The following ABCC1 variants were observed in gnomAD, a reference collection of about 807,000 sequenced individuals.
ABCC1 encodes the protein multidrug resistance-associated protein 1.
In ABCC1, 83 loss-of-function variants were observed where a neutral mutation model predicts 172.9. The observed-to-expected ratio is 0.48, with a 90% confidence interval of 0.40 to 0.58. The LOEUF is 0.58. ABCC1 is among the 20% of genes least tolerant of loss of function. The pLI, the probability that ABCC1 is intolerant of heterozygous loss-of-function variation, is 0.00. For missense variants in ABCC1, 1,817 were observed against 2,002.7 expected (o/e 0.91, Z 1.77); for synonymous variants, 937 against 825.2 (o/e 1.14, Z -2.32).
chr16:16,031,866 A>T (rs1429956125), intron 5 of ABCC1, among the ~76,000 whole-genome samples: 1 of 151,620 alleles, frequency 6.6e-6, no homozygotes, highest in African/African-American at 2.4e-5. Flanking sequence ...TCATGTGATC[A>T]TTTGATGCAT....
rs370307188 is a variant in ABCC1, at chr16:16,115,933, C to T, written c.3390+857C>T. Among the ~76,000 whole-genome samples the T allele has an allele frequency of 4.1e-4, 62 of 151,454 alleles. No individual in the cohort carries two copies. In the South Asian group the frequency reaches 4.8e-3, roughly 12 times the overall value. On this transcript the variant is annotated intron_variant, in intron 23 of 30. Coordinates refer to ENST00000399410, the MANE Select transcript of ABCC1 (RefSeq NM_004996.4). ...TTTTTTTTAATTTGACATGGAGTCT[C>T]GCTCTGTCGCCCAGGCTGGAGTGCA...
rs558858592 is a variant in ABCC1, at chr16:15,968,501, C to T, written c.48+18702C>T. Reference sequence around the variant, plus strand: ...TCTGCTCACTGCAGCCTTCACCTGCCGAGTAGCTAGGACTGCAGGCATGCA... The same window carrying T: ...TCTGCTCACTGCAGCCTTCACCTGCTGAGTAGCTAGGACTGCAGGCATGCA... On this transcript the variant is annotated intron_variant, in intron 1 of 30. Transcript: ENST00000399410. 5.9e-5 allele frequency among the ~76,000 whole-genome samples: 9 copies of T among 151,866 alleles called. No individual in the cohort carries two copies. The South Asian group carries it at 1.2e-3, about 21-fold the overall frequency.
intron 1 of ABCC1, among the ~76,000 whole-genome samples, chr16:15,980,624 T>C (rs215053): frequency 0.86 from 130,494 of 152,116 alleles, 56,251 homozygotes; most frequent in African/African-American, 0.92. Flanking sequence ...TGTCTCTCAC[T>C]GGGTTCCTCC....
chr16:16,021,790 G>T (rs1284801788), intron 5 of ABCC1, among the ~76,000 whole-genome samples: 2 of 152,134 alleles, frequency 1.3e-5, no homozygotes, highest in African/African-American at 4.8e-5. Flanking sequence ...ATTGAGATGG[G>T]GGCAAGGAAG....
intron 20 of ABCC1, among the ~76,000 whole-genome samples, chr16:16,103,993 T>C (rs926551520): frequency 6.6e-6 from 1 of 151,912 alleles, no homozygotes; most frequent in Non-Finnish European, 1.5e-5. Flanking sequence ...GCCTCAGGAG[T>C]GAAGCTGCAG....
chr16:15,990,637 G>C (rs1428326762), intron 1 of ABCC1, among the ~76,000 whole-genome samples: 1 of 151,766 alleles, frequency 6.6e-6, no homozygotes, highest in African/African-American at 2.4e-5. Context: ...CCATGTTGTT[G>C]CAAATGGCAG....
At position 16,131,809 on chromosome 16, in the gene ABCC1, G is replaced by T. The variant is rs1396852143; in HGVS notation, c.3840G>T (p.Glu1280Asp). Residue 1280 changes from glutamate (E) to aspartate (D), a missense_variant, in exon 27 of 31, where the codon GAG (glutamate) becomes GAT (aspartate). This residue lies in a region of ABCC1 where 1,412 missense variants were observed against 1,600.3 expected (regional missense o/e 0.88). Coordinates refer to ENST00000399410, the MANE Select transcript of ABCC1 (RefSeq NM_004996.4). ...TEKEAPWQIQ[E>D]TAPPSSWPQV... ...CGAAGGCGCCCTGGCAAATCCAGGAGACAGCTCCGCCCAGCAGCTGGCCCC... is the reference window on the plus strand; with the variant it reads ...CGAAGGCGCCCTGGCAAATCCAGGATACAGCTCCGCCCAGCAGCTGGCCCC... The T allele has an allele frequency of 1.2e-6, 2 of 1,613,984 alleles. No homozygotes were observed. The highest frequency in any genetic ancestry group is 1.7e-6 in the Non-Finnish European group (2 of 1,179,966).
At position 16,115,066 on chromosome 16, in the gene ABCC1, T is replaced by A; in HGVS notation, c.3380T>A (p.Phe1127Tyr). ...IIIPPLGLIY[F>Y]FVQRFYVASS... The stretch of plus-strand genomic sequence containing the variant: ...ATCCCGCCCCTTGGCCTCATCTACT[T>A]CTTCGTCCAGGTAAGGGGTGAGGTC... Residue 1127 changes from phenylalanine to tyrosine, a missense_variant, in exon 23 of 31, where the codon TTC becomes TAC. Phe to Tyr is a conservative substitution (Grantham distance 22, BLOSUM62 3). This residue lies in a region of ABCC1 where 1,412 missense variants were observed against 1,600.3 expected (regional missense o/e 0.88). Transcript: ENST00000399410. 1 of 1,613,692 alleles carries A rather than the reference T, an allele frequency of 6.2e-7. No homozygotes were observed. The highest frequency in any genetic ancestry group is 2.2e-5 in the East Asian group (1 of 44,862).
Position 16,122,188 on chromosome 16 carries a change from G to A in ABCC1, c.3590+14G>A, listed in dbSNP as rs752382708. On this transcript the variant is annotated intron_variant, in intron 24 of 30. Transcript: ENST00000399410. ...CGTGGCCAACAGGTGGGCATGGTGGGCCTGCAGGAGCGGGTGGAGGAGGCC... is the reference window on the plus strand; with the variant it reads ...CGTGGCCAACAGGTGGGCATGGTGGACCTGCAGGAGCGGGTGGAGGAGGCC... 2.0e-5 allele frequency: 32 copies of A among 1,613,602 alleles called. No individual in the cohort carries two copies. The African/African-American group carries it at 3.9e-4, about 20-fold the overall frequency.
At chr16:16,091,975 C>A (rs929192438) in intron 19 of ABCC1, among the ~76,000 whole-genome samples, 1 of 152,196 alleles carries the variant, frequency 6.6e-6, no homozygotes, top group African/African-American at 2.4e-5. Context: ...CAGTGGCTCA[C>A]GCCTGTAATC....
intron 3 of ABCC1, among the ~76,000 whole-genome samples, chr16:16,012,108 A>G (rs7198766): frequency 0.4 from 60,827 of 152,060 alleles, 13,957 homozygotes; most frequent in Non-Finnish European, 0.52. Context: ...TGCCCAGACC[A>G]TGATTCTATA....
chr16:16,042,702 C>CAA lies in ABCC1; in HGVS notation c.810-1732_810-1731dup, dbSNP rs60790951. Among the ~76,000 whole-genome samples the CAA allele has an allele frequency of 1.7e-4, 21 of 124,064 alleles. No homozygotes were observed. The Middle Eastern group carries it at 0.021, about 125-fold the overall frequency. 81.4% of individuals were successfully genotyped at this position (124,064 alleles called of 152,430 possible). On this transcript the variant is annotated intron_variant, in intron 7 of 30. Coordinates refer to ENST00000399410, the MANE Select transcript of ABCC1 (RefSeq NM_004996.4). ...TGTGTGATAGAGCAAGACTCCATCT[C>CAA]AAAAAAAAAAAAAAAAATCCCTATA...
intron 1 of ABCC1, among the ~76,000 whole-genome samples, chr16:15,980,921 T>C (rs1597070850): frequency 6.6e-6 from 1 of 152,236 alleles, no homozygotes; most frequent in South Asian, 2.1e-4. Flanking sequence ...CTAGATACAA[T>C]AGGAGTACAA....
chr16:16,021,977 G>C (rs1405030772), intron 5 of ABCC1, among the ~76,000 whole-genome samples: 1 of 152,120 alleles, frequency 6.6e-6, no homozygotes, highest in African/African-American at 2.4e-5. Flanking sequence ...GAGGACAACG[G>C]GACAACCTGT....
chr16:15,949,392 G>A (rs2045794580), upstream of ABCC1, among the ~76,000 whole-genome samples: 2 of 152,058 alleles, frequency 1.3e-5, no homozygotes, highest in South Asian at 4.1e-4. Flanking sequence ...ACGCTCCCCA[G>A]GCCCGTCCGC....
intron 12 of ABCC1, among the ~76,000 whole-genome samples, chr16:16,067,265 A>T (rs2151946942): frequency 6.6e-6 from 1 of 152,224 alleles, no homozygotes; most frequent in South Asian, 2.1e-4. Context: ...CTCCCTCTTG[A>T]CATCGGAGCC....
chr16:16,072,039 T>G (rs2050369855), intron 14 of ABCC1, among the ~76,000 whole-genome samples: 1 of 152,124 alleles, frequency 6.6e-6, no homozygotes, highest in East Asian at 1.9e-4. Flanking sequence ...GGCTTTGACC[T>G]TGATTCTATT....
At chr16:16,025,343 C>T (rs767110620) in intron 5 of ABCC1, among the ~76,000 whole-genome samples, 8 of 152,156 alleles carry the variant, frequency 5.3e-5, no homozygotes, top group African/African-American at 1.4e-4. Context: ...TGGGTTCTCA[C>T]GCTTGAAACA....
intron 7 of ABCC1, among the ~76,000 whole-genome samples, chr16:16,038,064 A>ATG (rs1567336690): frequency 2.4e-4 from 27 of 113,332 alleles, no homozygotes; most frequent in African/African-American, 1.1e-3. Context: ...ATGGATGGAT[A>ATG]GATGATAGAT....
Sources: gnomAD v4.1 joint callset for allele counts (sites outside exome capture counted in the v4.1 genomes callset) on GRCh38, gnomAD v4.1.1 for gene constraint, gnomAD v4.1.1 regional missense constraint, MANE v1.5 for transcripts, NCBI Gene and HGNC (gene_info 2026-07-23, HGNC 2026-07-21) for gene names.